The following RYR3 variants were observed in gnomAD, a reference collection of about 807,000 sequenced individuals.
RYR3 encodes the protein ryanodine receptor 3, also known as brain ryanodine receptor-calcium release channel.
Under a neutral mutation model 584.3 loss-of-function variants are expected in RYR3, and 207 were observed. That is an observed-to-expected ratio of 0.35 (90% confidence interval 0.32 to 0.40). RYR3 has a LOEUF of 0.40. Ranked by LOEUF, RYR3 falls within the 10% of genes least tolerant of loss-of-function variation. The pLI is 1.00. For missense variants in RYR3, 5,616 were observed against 6,089.2 expected, an observed-to-expected ratio of 0.92 and a Z score of 2.59; for synonymous variants, 2,416 against 2,248.5, an observed-to-expected ratio of 1.07 and a Z score of -2.11.
chr15:33,792,976 C>T (rs1596616265), intron 67 of RYR3, among the ~76,000 whole-genome samples: 1 of 152,158 alleles, frequency 6.6e-6, no homozygotes, highest in African/African-American at 2.4e-5. Context: ...ACTGTTCCTG[C>T]CTCAGACACC....
At chr15:33,792,954 C>G (rs183050500) in intron 67 of RYR3, among the ~76,000 whole-genome samples, 1 of 152,278 alleles carries the variant, frequency 6.6e-6, no homozygotes, top group East Asian at 1.9e-4. Context: ...GTCAATGGCT[C>G]AGTTTTGCAA....
chr15:33,455,258 G>A (rs2047453325), intron 1 of RYR3, among the ~76,000 whole-genome samples: 1 of 152,196 alleles, frequency 6.6e-6, no homozygotes, highest in Non-Finnish European at 1.5e-5. Context: ...TGGATGAACT[G>A]ACTTGCAGTG....
At chr15:33,618,822 A>C (rs1015665847) in intron 19 of RYR3, among the ~76,000 whole-genome samples, 1 of 152,236 alleles carries the variant, frequency 6.6e-6, no homozygotes, top group Non-Finnish European at 1.5e-5. Context: ...TGAGCACAGC[A>C]CAGCTTTGTC....
chr15:33,410,117 GCA>G (rs2043301060), intron 1 of RYR3, among the ~76,000 whole-genome samples: 1 of 152,180 alleles, frequency 6.6e-6, no homozygotes, highest in East Asian at 1.9e-4. Flanking sequence ...GGGGCTGTGT[GCA>G]CAGTGATAAA....
In RYR3 at chr15:33,435,714, G is replaced by A. The variant is rs185298282; in HGVS notation, c.52-37705G>A. 4.1e-4 allele frequency among the ~76,000 whole-genome samples: 63 copies of A among 152,220 alleles called. 1 individual carries two copies. In the East Asian group the frequency reaches 0.011, roughly 26 times the overall value. On this transcript the variant is annotated intron_variant, in intron 1 of 103. Transcript: ENST00000634891. Reference sequence around the variant, plus strand: ...ATGTCCGGAGTTGATTGTTCCTCCCGGTAGGTTCCTGGTCTCACTGACTTC... The same window carrying A: ...ATGTCCGGAGTTGATTGTTCCTCCCAGTAGGTTCCTGGTCTCACTGACTTC...
intron 1 of RYR3, among the ~76,000 whole-genome samples, chr15:33,430,496 CACTG>C (rs2045047405): frequency 6.6e-6 from 1 of 152,158 alleles, no homozygotes; most frequent in Non-Finnish European, 1.5e-5. Context: ...AGAATGTTAG[CACTG>C]ACTTAGGGAC....
At chr15:33,785,083 A>G (rs1468683997) in intron 65 of RYR3, among the ~76,000 whole-genome samples, 1 of 152,138 alleles carries the variant, frequency 6.6e-6, no homozygotes, top group Non-Finnish European at 1.5e-5. Flanking sequence ...CATCATTTCT[A>G]TTGTGAAGCC....
At chr15:33,687,609 A>G (rs2065106372) in intron 38 of RYR3, among the ~76,000 whole-genome samples, 1 of 152,248 alleles carries the variant, frequency 6.6e-6, no homozygotes, top group Admixed American at 6.5e-5. Flanking sequence ...TTGCCAAGAC[A>G]GTCCTAAGGA....
At chr15:33,368,071 T>C (rs1975750637) in intron 1 of RYR3, among the ~76,000 whole-genome samples, 1 of 152,222 alleles carries the variant, frequency 6.6e-6, no homozygotes, top group Admixed American at 6.5e-5. Flanking sequence ...TTTGTTATCC[T>C]GTCAATAAAT....
rs377147484 is a variant in RYR3, at chr15:33,480,510, GAAT to G, written c.171+6973_171+6975del. On this transcript the variant is annotated intron_variant, in intron 2 of 103. Transcript: ENST00000634891. ...CTTAGTTAAGTTGCCCATGTGTACTGAATTAACTAATTGAATTTTTGAAAGCCT... is the reference window on the plus strand; with the variant it reads ...CTTAGTTAAGTTGCCCATGTGTACTGTAACTAATTGAATTTTTGAAAGCCT... 3.4e-4 allele frequency among the ~76,000 whole-genome samples: 52 copies of G among 152,286 alleles called. No homozygotes were observed. In the South Asian group the frequency reaches 7.3e-3, roughly 21 times the overall value.
intron 18 of RYR3, among the ~76,000 whole-genome samples, chr15:33,607,056 C>CA (rs1428589991): frequency 6.6e-6 from 1 of 152,190 alleles, no homozygotes; most frequent in Non-Finnish European, 1.5e-5. Context: ...CACTGTGACT[C>CA]AGACCTTTCC....
chr15:33,456,225 G>T (rs922975640), intron 1 of RYR3, among the ~76,000 whole-genome samples: 26 of 152,210 alleles, frequency 1.7e-4, no homozygotes, highest in African/African-American at 6.0e-4. Flanking sequence ...TCCCATAGTT[G>T]CAGATGAATA....
intron 10 of RYR3, among the ~76,000 whole-genome samples, chr15:33,558,183 G>T (rs1276843931): frequency 6.6e-6 from 1 of 151,952 alleles, no homozygotes; most frequent in Non-Finnish European, 1.5e-5. Flanking sequence ...TGCTATGTTG[G>T]TGTGCTGCAC....
chr15:33,497,558 C>T (rs2051549810), intron 2 of RYR3, among the ~76,000 whole-genome samples: 1 of 152,176 alleles, frequency 6.6e-6, no homozygotes, highest in Non-Finnish European at 1.5e-5. Flanking sequence ...CTCTCTGCTT[C>T]AGCCTAGCCC....
intron 1 of RYR3, among the ~76,000 whole-genome samples, chr15:33,431,862 C>T (rs1478887198): frequency 6.6e-6 from 1 of 152,122 alleles, no homozygotes; most frequent in East Asian, 1.9e-4. Context: ...TAAGCCTAAA[C>T]CAAAAAGTAA....
At chr15:33,349,487 G>T (rs1478190571) in intron 1 of RYR3, among the ~76,000 whole-genome samples, 1 of 151,782 alleles carries the variant, frequency 6.6e-6, no homozygotes. Flanking sequence ...ATGTTTAATG[G>T]TATCTCATTG....
intron 88 of RYR3, 123 bp from the exon 89 acceptor site, chr15:33,837,508 T>C: frequency 9.5e-7 from 1 of 1,057,362 alleles, no homozygotes; most frequent in South Asian, 1.7e-5. Context: ...TCCTACATCA[T>C]CACGGTCAGA....
intron 12 of RYR3, among the ~76,000 whole-genome samples, chr15:33,572,374 T>G (rs1244984844): frequency 6.6e-6 from 1 of 152,088 alleles, no homozygotes; most frequent in Admixed American, 6.5e-5. Flanking sequence ...TATTTGCTGA[T>G]GGACCTGTGT....
At chr15:33,354,230 C>T (rs1338647488) in intron 1 of RYR3, among the ~76,000 whole-genome samples, 1 of 152,194 alleles carries the variant, frequency 6.6e-6, no homozygotes, top group Non-Finnish European at 1.5e-5. Context: ...AATTCAGCCT[C>T]TCTGCAGCAT....
Sources: allele counts gnomAD v4.1 joint callset (sites outside exome capture counted in the v4.1 genomes callset), GRCh38; gene constraint gnomAD v4.1.1; transcripts MANE v1.5; gene names NCBI Gene and HGNC (gene_info 2026-07-23, HGNC 2026-07-21).